The following MED1 variants were observed in gnomAD, a reference collection of about 807,000 sequenced individuals.
MED1 encodes mediator complex subunit 1.
In MED1, 17 loss-of-function variants were observed where a neutral mutation model predicts 121.3. That is an observed-to-expected ratio of 0.14 (90% CI 0.10 to 0.21). The LOEUF is 0.21. MED1 is among the 10% of genes least tolerant of loss of function. The pLI is 1.00. For synonymous variants in MED1, 661 were observed against 694.4 expected (o/e 0.95, Z 0.76); for missense variants, 1,558 against 1,919.4 (o/e 0.81, Z 3.52).
chr17:39,422,863 C>CT (rs372712559), intron 13 of MED1, among the ~76,000 whole-genome samples: 33,002 of 98,896 alleles, frequency 0.33, 8,033 homozygotes, highest in South Asian at 0.51. Context: ...TCCGAGATTT[C>CT]TTTTTTTTTT....
intron 1 of MED1, among the ~76,000 whole-genome samples, chr17:39,448,705 T>C (rs959868776): frequency 6.6e-6 from 1 of 152,000 alleles, no homozygotes; most frequent in African/African-American, 2.4e-5. Context: ...AGGTTGGGAA[T>C]TCGAGACCAG....
rs117014043 is a variant in MED1 at position 39,424,721 on chromosome 17, T to C, written c.757A>G (p.Met253Val). ...HENNVSRSLG[M>V]NASVTIEGTS... ...CCTTCAATTGTCACTGATGCATTCATGCCCAAAGATCGAGAAACTGGGGAT... is the reference window on the plus strand; with the variant it reads ...CCTTCAATTGTCACTGATGCATTCACGCCCAAAGATCGAGAAACTGGGGAT... Residue 253 changes from methionine (M) to valine (V), a missense_variant, in exon 11 of 17, where the codon ATG becomes GTG. Physicochemically the swap from Met to Val is conservative, Grantham distance 21. Transcript: ENST00000300651. 106 of 1,606,202 alleles carry C rather than the reference T, an allele frequency of 6.6e-5. No homozygotes were observed. The East Asian group carries it at 2.0e-3, about 30-fold the overall frequency.
At position 39,409,228 on chromosome 17, in the gene MED1, G is replaced by A. The variant is rs773943799; in HGVS notation, c.2993C>T (p.Thr998Ile). The A allele has an allele frequency of 6.2e-7, 1 of 1,614,092 alleles. No individual in the cohort carries two copies. The highest frequency in any genetic ancestry group is 1.1e-5 in the South Asian group (1 of 91,076). The change falls in exon 17 of 17, where the codon ACC becomes ATC. Residue 998 changes from threonine to isoleucine, a missense_variant. By Grantham distance (89) the Thr-to-Ile change is moderately conservative (BLOSUM62 -1). Transcript: ENST00000300651. ...LDSKPGKRSR[T>I]PSNDGKSKDK... ...TTTGCTTTTCCCATCATTAGAAGGG[G>A]TCCGACTGCGCTTCCCTGGTTTGCT...
At chr17:39,418,085 CAA>C (rs760116991) in intron 14 of MED1, among the ~76,000 whole-genome samples, 2 of 55,638 alleles carry the variant, frequency 3.6e-5, no homozygotes, top group African/African-American at 7.6e-5. Context: ...GACTCCGTCT[CAA>C]AAAAAAAAAA....
intron 16 of MED1, among the ~76,000 whole-genome samples, chr17:39,413,575 T>C (rs893421621): frequency 1.3e-5 from 2 of 151,936 alleles, no homozygotes; most frequent in Admixed American, 6.6e-5. Context: ...ATTTAAGTTG[T>C]GAAATCTGCT....
At chr17:39,421,289 C>T (rs924129890) in intron 13 of MED1, among the ~76,000 whole-genome samples, 2 of 147,506 alleles carry the variant, frequency 1.4e-5, no homozygotes, top group East Asian at 2.0e-4. Context: ...AGGTGGCTTG[C>T]GCCTGTAATC....
In MED1 at chr17:39,404,348, A is replaced by G. The variant is rs1474707402; in HGVS notation, c.*3127T>C. 2.0e-5 allele frequency: 3 copies of G among 152,242 alleles called. No individual in the cohort carries two copies. The highest frequency in any genetic ancestry group is 2.9e-5 in the Non-Finnish European group (2 of 68,006). 9.4% of individuals were successfully genotyped at this position (152,242 alleles called of 1,614,324 possible). Reference sequence around the variant, plus strand: ...ACAGGTTATTTTGTAATGTTTCGGGAAAAAAATCCCACAACAGATTTCATC... The same window carrying G: ...ACAGGTTATTTTGTAATGTTTCGGGGAAAAAATCCCACAACAGATTTCATC... On this transcript the variant is annotated 3_prime_UTR_variant, in exon 17 of 17. Transcript: ENST00000300651.
intron 7 of MED1, 74 bp from the exon 8 acceptor site, chr17:39,432,090 C>G (rs927169083): frequency 9.1e-7 from 1 of 1,099,304 alleles, no homozygotes; most frequent in South Asian, 1.3e-5. Context: ...AGCCTGTAAT[C>G]CCAGCACCTT....
At chr17:39,426,475 AAAC>A (rs1026146440) in intron 10 of MED1, among the ~76,000 whole-genome samples, 26 of 152,250 alleles carry the variant, frequency 1.7e-4, no homozygotes, top group African/African-American at 6.3e-4. Context: ...ACAAACAAAC[AAAC>A]AATAAAGGGA....
rs71147334 is a variant in MED1, at chr17:39,449,809, C to CTTTT, written c.25+1225_25+1228dup. Among the ~76,000 whole-genome samples the CTTTT allele has an allele frequency of 1.9e-4, 12 of 61,628 alleles. 1 individual carries two copies. Among genetic ancestry groups the CTTTT allele is most frequent in the Non-Finnish European group, 2.2e-4 (7 of 31,778 alleles). The allele number at this position is 61,628 out of a possible 152,430, so 40.4% of individuals were successfully genotyped here. A position where few individuals can be genotyped will look rare whatever the true frequency, so the allele number is the denominator to read the frequency against. On this transcript the variant is annotated intron_variant, in intron 1 of 16. Transcript: ENST00000300651. ...ACAGGAGTGAGCCACCACACCCGGC[C>CTTTT]TTTTTTTTTTTTTTTTTTTTTTGAG...
chr17:39,414,819 G>A (rs899674518), intron 16 of MED1, among the ~76,000 whole-genome samples: 3 of 151,528 alleles, frequency 2.0e-5, no homozygotes, highest in African/African-American at 2.4e-5. Context: ...ACATGTGCCC[G>A]CCATCGCGCC....
chr17:39,430,937 T>G (rs1384001892), intron 9 of MED1, among the ~76,000 whole-genome samples, 178 bp downstream of exon 9: 1 of 151,862 alleles, frequency 6.6e-6, no homozygotes. Context: ...GAGATTCACT[T>G]GAGCCCAGGA....
intron 10 of MED1, 84 bp downstream of exon 10, chr17:39,427,617 C>G (rs1296203426): frequency 4.1e-6 from 4 of 969,194 alleles, no homozygotes; most frequent in Non-Finnish European, 6.3e-6. Context: ...GGTCAACAAA[C>G]TCATTAGAGA....
rs1261179251 is a variant in MED1, at chr17:39,427,750, G to C, written c.690C>G (p.Asp230Glu). 1 of 1,604,594 alleles carries C rather than the reference G, an allele frequency of 6.2e-7. No individual in the cohort carries two copies. The highest frequency in any genetic ancestry group is 8.5e-7 in the Non-Finnish European group (1 of 1,172,000). Residue 230 changes from aspartate (D) to glutamate (E), a missense_variant, in exon 10 of 17, where the codon GAC (aspartate) becomes GAG (glutamate). Asp to Glu is a conservative substitution (Grantham distance 45). Around this residue, in one of 5 missense-constraint regions of MED1, gnomAD observed 443 missense variants for 532.4 expected, o/e 0.83. Coordinates refer to ENST00000300651, the MANE Select transcript of MED1 (RefSeq NM_004774.4). ...GAGATGCAGTCTTGTCATCCAGTAG[G>C]TCAGAAGGAGAGACATAGTACTTCA... ...MNLKYYVSPS[D>E]LLDDKTASPI...
rs1479734254 is a variant in MED1 at position 39,439,138 on chromosome 17, C to T, written c.428+27G>A. ...AAAGAACAGCACTGTCTGTCAATAT[C>T]AAGGAATATAAATCGTATTTGCTCA... On this transcript the variant is annotated intron_variant, in intron 6 of 16. Coordinates refer to ENST00000300651, the MANE Select transcript of MED1 (RefSeq NM_004774.4). 7 of 1,587,572 alleles carry T rather than the reference C, an allele frequency of 4.4e-6. No individual in the cohort carries two copies. The African/African-American group carries it at 8.2e-5, about 19-fold the overall frequency.
chr17:39,449,206 G>A (rs2048758076), intron 1 of MED1, among the ~76,000 whole-genome samples: 1 of 152,034 alleles, frequency 6.6e-6, no homozygotes, highest in South Asian at 2.1e-4. Flanking sequence ...CTTGAAACAG[G>A]GTCTCGCTCT....
At chr17:39,418,937 A>T (rs936753659) in intron 14 of MED1, among the ~76,000 whole-genome samples, 1 of 151,914 alleles carries the variant, frequency 6.6e-6, no homozygotes, top group Non-Finnish European at 1.5e-5. Flanking sequence ...ACAGGTGTAT[A>T]CCACCACACC....
chr17:39,422,643 T>C (rs1460729202), intron 13 of MED1, among the ~76,000 whole-genome samples: 1 of 151,038 alleles, frequency 6.6e-6, no homozygotes, highest in Non-Finnish European at 1.5e-5. Context: ...ACCCAGCTAA[T>C]TTTTATATTT....
In MED1 at chr17:39,423,463, A is replaced by G; in HGVS notation, c.977-18T>C. 1 of 1,569,470 alleles carries G rather than the reference A, an allele frequency of 6.4e-7. No individual in the cohort carries two copies. The highest frequency in any genetic ancestry group is 8.8e-7 in the Non-Finnish European group (1 of 1,139,720). ...TGGAATTCCTGGAAAAACAAGAATC[A>G]ATATAATGATCATGTTAAGATGAAA... On this transcript the variant is annotated intron_variant, in intron 12 of 16. Transcript: ENST00000300651.
Sources: allele counts gnomAD v4.1 joint callset (sites outside exome capture counted in the v4.1 genomes callset), GRCh38; gene constraint gnomAD v4.1.1; regional missense constraint gnomAD v4.1.1; transcripts MANE v1.5; gene names NCBI Gene and HGNC (gene_info 2026-07-23, HGNC 2026-07-21).